CFAP54: variants seen among roughly 807,000 people sequenced by gnomAD.
CFAP54 encodes cilia- and flagella-associated protein 54.
A neutral mutation model predicts 370.4 loss-of-function variants in CFAP54; 290 were observed. That is an observed-to-expected ratio of 0.78 (90% CI 0.71 to 0.86). The LOEUF is 0.86. CFAP54 is among the 40% of genes least tolerant of loss of function. The pLI, the probability that CFAP54 is intolerant of heterozygous loss-of-function variation, is 0.00. For synonymous variants in CFAP54, 1,206 were observed against 1,236.5 expected (o/e 0.98, Z 0.52); for missense variants, 3,399 against 3,528.7 (o/e 0.96, Z 0.93).
At chr12:96,791,211 G>A (rs1014017999) in intron 62 of CFAP54, among the ~76,000 whole-genome samples, 10 of 147,796 alleles carry the variant, frequency 6.8e-5, no homozygotes, top group African/African-American at 2.2e-4. Context: ...TTGAGACGGA[G>A]TCTCACTCTG....
In CFAP54 at chr12:96,522,262, A is replaced by G. The variant is rs1302005689; in HGVS notation, c.1158+73A>G. ...TTTGTATTATGCTCCTATGTCTTTC[A>G]AGCCTAGTCACTCATTATTAAATTC... On this transcript the variant is annotated intron_variant, in intron 8 of 67. Transcript: ENST00000524981. 5.1e-6 allele frequency: 5 copies of G among 988,676 alleles called. No homozygotes were observed. The African/African-American group carries it at 8.2e-5, about 16-fold the overall frequency. 61.2% of individuals were successfully genotyped at this position (988,676 alleles called of 1,614,324 possible). A position where few individuals can be genotyped will look rare whatever the true frequency, so the allele number is the denominator to read the frequency against.
In CFAP54 at chr12:96,827,865, ATATAT is replaced by A. The variant is rs1387611325; in HGVS notation, c.9097-1143_9097-1139del. On this transcript the variant is annotated intron_variant, in intron 65 of 67. Transcript: ENST00000524981. Reference sequence around the variant, plus strand: ...ATATAATTATATATAATACATAGTAATATATTATATATAGTTATATATAATATATA... The same window carrying A: ...ATATAATTATATATAATACATAGTAATATATATAGTTATATATAATATATA... Among the ~76,000 whole-genome samples the A allele has an allele frequency of 3.6e-5, 4 of 112,054 alleles. No individual in the cohort carries two copies. The East Asian group carries it at 1.0e-3, about 29-fold the overall frequency. 73.5% of individuals were successfully genotyped at this position (112,054 alleles called of 152,430 possible). A position where few individuals can be genotyped will look rare whatever the true frequency, so the allele number is the denominator to read the frequency against.
chr12:96,704,145 C>T (rs1014207937), intron 46 of CFAP54, among the ~76,000 whole-genome samples: 1 of 151,970 alleles, frequency 6.6e-6, no homozygotes, highest in East Asian at 1.9e-4. Flanking sequence ...TAAAATACAT[C>T]GGCCAGGTGC....
At chr12:96,778,871 T>G (rs1410439211) in intron 60 of CFAP54, among the ~76,000 whole-genome samples, 3 of 150,980 alleles carry the variant, frequency 2.0e-5, no homozygotes, top group African/African-American at 4.9e-5. Flanking sequence ...ACATTGGGAG[T>G]CTGAGGTGGG....
chr12:96,700,203 C>A, intron 46 of CFAP54, 110 bp downstream of exon 46: 2 of 1,243,676 alleles, frequency 1.6e-6, no homozygotes, highest in Non-Finnish European at 2.2e-6. Flanking sequence ...GTATTTTAGC[C>A]CTCTTTGTTA....
chr12:96,694,800 G>T (rs1000138770), intron 45 of CFAP54, among the ~76,000 whole-genome samples: 1 of 151,902 alleles, frequency 6.6e-6, no homozygotes, highest in African/African-American at 2.4e-5. Context: ...GGGGTGGGCG[G>T]ATCACCAGGT....
At chr12:96,825,099 T>C (rs1360702407) in intron 65 of CFAP54, among the ~76,000 whole-genome samples, 1 of 150,512 alleles carries the variant, frequency 6.6e-6, no homozygotes, top group Non-Finnish European at 1.5e-5. Context: ...GTTGCACTAT[T>C]TTTTTCAAGG....
At chr12:96,759,877 G>A (rs34480) in intron 58 of CFAP54, among the ~76,000 whole-genome samples, 21,045 of 152,152 alleles carry the variant, frequency 0.14, 1,865 homozygotes, top group Middle Eastern at 0.26. Flanking sequence ...ATTATTTCTC[G>A]TTATGTAACA....
chr12:96,753,712 G>A (rs1409658008), intron 55 of CFAP54, 31 bp from the exon 56 acceptor site: 1 of 1,597,286 alleles, frequency 6.3e-7, no homozygotes, highest in Admixed American at 1.7e-5. Context: ...GTATTTTTTT[G>A]TTCTTCCCCA....
At chr12:96,728,510 C>T (rs143876018) in intron 50 of CFAP54, among the ~76,000 whole-genome samples, 1 of 152,194 alleles carries the variant, frequency 6.6e-6, no homozygotes, top group African/African-American at 2.4e-5. Flanking sequence ...GTTCTCGACC[C>T]TTGGCTTTCA....
At chr12:96,783,613 G>A (rs550566454) in intron 60 of CFAP54, among the ~76,000 whole-genome samples, 68 of 152,314 alleles carry the variant, frequency 4.5e-4, no homozygotes, top group African/African-American at 1.5e-3. Flanking sequence ...GAGGTCGGGC[G>A]CAGTGGCCCA....
chr12:96,688,299 C>G (rs1013253420), intron 42 of CFAP54, among the ~76,000 whole-genome samples: 3 of 152,128 alleles, frequency 2.0e-5, no homozygotes, highest in Non-Finnish European at 2.9e-5. Context: ...GTGAATGGCT[C>G]CATAATAAAC....
chr12:96,810,996 T>G (rs1188195000), intron 63 of CFAP54, among the ~76,000 whole-genome samples: 1 of 152,114 alleles, frequency 6.6e-6, no homozygotes, highest in Non-Finnish European at 1.5e-5. Flanking sequence ...TCTGAGGTAG[T>G]TTCTAAGGCC....
intron 15 of CFAP54, among the ~76,000 whole-genome samples, chr12:96,550,502 G>A (rs1005378669): frequency 6.6e-6 from 1 of 152,154 alleles, no homozygotes; most frequent in Non-Finnish European, 1.5e-5. Flanking sequence ...GCTTGAACCT[G>A]GGAGGCGGAG....
intron 35 of CFAP54, among the ~76,000 whole-genome samples, chr12:96,651,254 G>GT (rs1175220173): frequency 3.9e-5 from 6 of 152,084 alleles, no homozygotes; most frequent in African/African-American, 1.4e-4. Context: ...CGAAATGAAC[G>GT]TAAGCAGCAT....
chr12:96,736,710 T>A (rs1213075405), intron 50 of CFAP54, among the ~76,000 whole-genome samples: 1 of 152,200 alleles, frequency 6.6e-6, no homozygotes. Context: ...AATATCAATA[T>A]TATGCTAAGT....
At chr12:96,809,101 C>G (rs1391453237) in intron 63 of CFAP54, among the ~76,000 whole-genome samples, 1 of 152,132 alleles carries the variant, frequency 6.6e-6, no homozygotes, top group Admixed American at 6.6e-5. Flanking sequence ...TTATTTGTGA[C>G]TCTGCTAGCT....
intron 36 of CFAP54, among the ~76,000 whole-genome samples, chr12:96,654,329 G>A (rs1956895595): frequency 1.3e-5 from 2 of 151,930 alleles, no homozygotes; most frequent in South Asian, 2.1e-4. Flanking sequence ...GTGAAACCCC[G>A]TCTCTACTAA....
At chr12:96,643,664 A>T (rs188444170) in intron 32 of CFAP54, among the ~76,000 whole-genome samples, 6 of 152,144 alleles carry the variant, frequency 3.9e-5, no homozygotes, top group African/African-American at 1.4e-4. Context: ...ATTTGAGTAT[A>T]TTTTTTTCTG....
Sources: allele counts gnomAD v4.1 joint callset (sites outside exome capture counted in the v4.1 genomes callset), GRCh38; gene constraint gnomAD v4.1.1; transcripts MANE v1.5; gene names NCBI Gene and HGNC (gene_info 2026-07-23, HGNC 2026-07-21).